The following SLC16A9 variants were observed in gnomAD, a reference collection of about 807,000 sequenced individuals.
SLC16A9 encodes monocarboxylate transporter 9.
SLC16A9 carries 26 observed loss-of-function variants against 44.3 expected under a neutral mutation model. The observed-to-expected ratio is 0.59, with a 90% CI of 0.43 to 0.81. The LOEUF (loss-of-function observed/expected upper bound fraction) is 0.81, where lower values mean the gene tolerates loss of function less well. SLC16A9 is among the 40% of genes least tolerant of loss of function. The pLI, the probability that SLC16A9 is intolerant of heterozygous loss-of-function variation, is 0.00. For synonymous variants in SLC16A9, 230 were observed against 225.1 expected (o/e 1.02, Z -0.19); for missense variants, 559 against 595.8 (o/e 0.94, Z 0.64).
chr10:59,664,333 G>A lies in SLC16A9; in HGVS notation c.341-11C>T. The A allele has an allele frequency of 6.3e-7, 1 of 1,578,632 alleles. No homozygotes were observed. ...AACCACATCCAAGACCTAAGCATGA[G>A]AAGACATTGCATAAATTAAGACGCT... On this transcript the variant is annotated splice_polypyrimidine_tract_variant and intron_variant, in intron 3 of 5. Transcript: ENST00000395348.
intron 1 of SLC16A9, among the ~76,000 whole-genome samples, chr10:59,690,938 A>T (rs1195801181): frequency 6.6e-6 from 1 of 152,104 alleles, no homozygotes. Flanking sequence ...TACAAAAATT[A>T]TCTGGGCATG....
intron 4 of SLC16A9, among the ~76,000 whole-genome samples, chr10:59,659,679 C>T (rs1839428509): frequency 6.6e-6 from 1 of 152,132 alleles, no homozygotes; most frequent in African/African-American, 2.4e-5. Context: ...CTCTACACCC[C>T]AAATCAACAG....
chr10:59,684,377 C>A (rs373662003), intron 1 of SLC16A9, 50 bp from the exon 2 acceptor site: 102 of 1,079,956 alleles, frequency 9.4e-5, no homozygotes, highest in Non-Finnish European at 1.3e-4. Flanking sequence ...TGTGGTAGGG[C>A]ACAGCGCTTG....
chr10:59,672,802 T>C lies in SLC16A9; in HGVS notation c.308A>G (p.Tyr103Cys). The C allele has an allele frequency of 1.9e-6, 3 of 1,613,240 alleles. No homozygotes were observed. Among genetic ancestry groups the C allele is most frequent in the Non-Finnish European group, 8.5e-7 (1 of 1,179,702 alleles). Residue 103 changes from tyrosine (Y) to cysteine (C), a missense_variant, in exon 3 of 6, where the codon TAC (tyrosine) becomes TGC (cysteine). Coordinates refer to ENST00000395348, the MANE Select transcript of SLC16A9 (RefSeq NM_194298.3). ...LMLSSFAPNI[Y>C]FLFFSYGIVV... ...AATGCCATAGGAAAAAAACAGAAAG[T>C]AGATATTGGGAGCAAAACTGCTCAA...
intron 2 of SLC16A9, among the ~76,000 whole-genome samples, chr10:59,683,155 T>C (rs926900555): frequency 6.6e-6 from 1 of 152,182 alleles, no homozygotes; most frequent in Non-Finnish European, 1.5e-5. Flanking sequence ...AGAATAGAGA[T>C]TGTGATTTGC....
chr10:59,696,654 G>T (rs1351145928), intron 1 of SLC16A9, among the ~76,000 whole-genome samples: 2 of 150,434 alleles, frequency 1.3e-5, no homozygotes. Flanking sequence ...CATCTAGGAA[G>T]TGAGGAGTGT....
rs780882949 is a variant in SLC16A9 at position 59,653,894 on chromosome 10, T to C, written c.1132A>G (p.Thr378Ala). 9.3e-6 allele frequency: 15 copies of C among 1,614,004 alleles called. No individual in the cohort carries two copies. The highest frequency in any genetic ancestry group is 4.0e-5 in the African/African-American group (3 of 74,896). The change falls in exon 5 of 6, where the codon ACC becomes GCC. Residue 378 changes from threonine (T) to alanine (A), a missense_variant. Physicochemically the swap from Thr to Ala is moderately conservative, Grantham distance 58. Coordinates refer to ENST00000395348, the MANE Select transcript of SLC16A9 (RefSeq NM_194298.3). Reference sequence around the variant, plus strand: ...AAGGCTAGGCCCATGATGATTAAGGTAGCAACATAAAGATACAAGGTATTA... The same window carrying C: ...AAGGCTAGGCCCATGATGATTAAGGCAGCAACATAAAGATACAAGGTATTA... ...WINTLYLYVA[T>A]LIIMGLALCA...
At chr10:59,696,684 A>C (rs376675679) in intron 1 of SLC16A9, among the ~76,000 whole-genome samples, 2 of 143,406 alleles carry the variant, frequency 1.4e-5, no homozygotes, top group African/African-American at 2.6e-5. Flanking sequence ...GCCGCCCATC[A>C]TCTGAGATGT....
intron 1 of SLC16A9, among the ~76,000 whole-genome samples, chr10:59,688,907 C>A (rs1840193600): frequency 6.6e-6 from 1 of 151,900 alleles, no homozygotes; most frequent in Non-Finnish European, 1.5e-5. Context: ...AATTATCTCC[C>A]TTACCAGTTT....
At chr10:59,656,595 TC>T (rs527343446) in intron 4 of SLC16A9, among the ~76,000 whole-genome samples, 13 of 152,142 alleles carry the variant, frequency 8.5e-5, no homozygotes, top group Non-Finnish European at 1.8e-4. Flanking sequence ...AGGATTTTTT[TC>T]CCCCAGGGTA....
chr10:59,656,330 A>G (rs998007184), intron 4 of SLC16A9, among the ~76,000 whole-genome samples: 21 of 152,236 alleles, frequency 1.4e-4, no homozygotes, highest in African/African-American at 5.1e-4. Context: ...AGATTCTAAC[A>G]AAGTGTCACA....
At chr10:59,668,374 C>T (rs1047048150) in intron 3 of SLC16A9, among the ~76,000 whole-genome samples, 2 of 152,172 alleles carry the variant, frequency 1.3e-5, no homozygotes, top group Non-Finnish European at 1.5e-5. Context: ...ACACCATCCC[C>T]ACTCCCCTTC....
intron 1 of SLC16A9, among the ~76,000 whole-genome samples, chr10:59,700,166 A>C (rs1840491364): frequency 6.6e-6 from 1 of 152,190 alleles, no homozygotes. Flanking sequence ...AGAAGCACTG[A>C]AGTCCAAACA....
intron 1 of SLC16A9, among the ~76,000 whole-genome samples, chr10:59,688,507 C>T (rs1368721104): frequency 6.6e-6 from 1 of 151,916 alleles, no homozygotes; most frequent in Non-Finnish European, 1.5e-5. Context: ...CAGAATTATC[C>T]AAACTTCCAA....
intron 1 of SLC16A9, among the ~76,000 whole-genome samples, chr10:59,687,704 T>C (rs184394417): frequency 2.6e-5 from 4 of 152,296 alleles, no homozygotes; most frequent in Admixed American, 6.5e-5. Flanking sequence ...CAGTGGCTCA[T>C]GCCTGTAATG....
chr10:59,697,341 T>C (rs1840417228), intron 1 of SLC16A9, among the ~76,000 whole-genome samples: 1 of 150,508 alleles, frequency 6.6e-6, no homozygotes, highest in Non-Finnish European at 1.5e-5. Context: ...GCCGTGTCTG[T>C]GTAGAAAGAG....
chr10:59,692,540 T>A (rs562338253), intron 1 of SLC16A9, among the ~76,000 whole-genome samples: 113 of 152,348 alleles, frequency 7.4e-4, no homozygotes, highest in Non-Finnish European at 4.4e-5. Flanking sequence ...ATTAAATGGA[T>A]CAGTTTTATC....
chr10:59,669,694 A>G (rs6481479), intron 3 of SLC16A9, among the ~76,000 whole-genome samples: 152,280 of 152,300 alleles, frequency 1, 76,130 homozygotes, highest in Non-Finnish European at 1. Flanking sequence ...AAATGAGTCA[A>G]GCGTGGTGGC....
intron 2 of SLC16A9, among the ~76,000 whole-genome samples, chr10:59,680,582 C>A (rs1339869343): frequency 6.6e-6 from 1 of 152,086 alleles, no homozygotes; most frequent in African/African-American, 2.4e-5. Flanking sequence ...AATGTCAAAG[C>A]AAATCATATA....
Sources: allele counts gnomAD v4.1 joint callset (sites outside exome capture counted in the v4.1 genomes callset), GRCh38; gene constraint gnomAD v4.1.1; transcripts MANE v1.5; gene names NCBI Gene and HGNC (gene_info 2026-07-23, HGNC 2026-07-21).